Variants in NRG1 observed in about 807,000 individuals in gnomAD.
NRG1 encodes pro-neuregulin-1, membrane-bound isoform.
NRG1 carries 18 observed loss-of-function variants against 63.8 expected under a neutral mutation model. The ratio of observed to expected loss-of-function variants is 0.28; its 90% confidence interval spans 0.19 to 0.42. The LOEUF (loss-of-function observed/expected upper bound fraction) is 0.42. Among genes scored for constraint, NRG1 ranks in the 10% least tolerant of loss-of-function variants. The pLI is 1.00. For missense variants in NRG1, 762 were observed against 814.7 expected (o/e 0.94, Z 0.79); for synonymous variants, 302 against 301.3 (o/e 1.00, Z -0.02).
At chr8:32,716,877 C>A (rs552069631) in intron 5 of NRG1, among the ~76,000 whole-genome samples, 6 of 151,796 alleles carry the variant, frequency 4.0e-5, no homozygotes, top group Admixed American at 2.6e-4. Flanking sequence ...TAGCAGGATG[C>A]AGAACCCCAA....
intron 1 of NRG1, among the ~76,000 whole-genome samples, chr8:31,899,453 A>G: frequency 6.6e-6 from 1 of 152,048 alleles, no homozygotes; most frequent in Non-Finnish European, 1.5e-5. Context: ...TCCGTTGGCC[A>G]AGCTTGGTGT....
intron 1 of NRG1, among the ~76,000 whole-genome samples, chr8:31,768,308 C>T (rs1818277773): frequency 6.6e-6 from 1 of 152,200 alleles, no homozygotes; most frequent in African/African-American, 2.4e-5. Context: ...AGAACCATAT[C>T]TGCTGCTTAG....
intron 1 of NRG1, among the ~76,000 whole-genome samples, chr8:32,520,323 CTT>C (rs554244569): frequency 7.8e-5 from 11 of 140,168 alleles, no homozygotes; most frequent in Admixed American, 2.2e-4. Context: ...TGTCCAGCTA[CTT>C]TTTTTTTTTT....
chr8:31,785,499 T>C (rs1031038969), intron 1 of NRG1, among the ~76,000 whole-genome samples: 2 of 152,146 alleles, frequency 1.3e-5, no homozygotes, highest in South Asian at 4.1e-4. Flanking sequence ...TTCATGAGAA[T>C]TGATTGCTTT....
At chr8:32,547,804 T>G (rs1219327913), upstream of NRG1, among the ~76,000 whole-genome samples, 3 of 152,160 alleles carry the variant, frequency 2.0e-5, no homozygotes, top group Admixed American at 2.0e-4. Flanking sequence ...CCCCGAACTC[T>G]TCTGGGAAAG....
At chr8:31,807,306 G>C (rs1344754024) in intron 1 of NRG1, among the ~76,000 whole-genome samples, 10 of 152,168 alleles carry the variant, frequency 6.6e-5, no homozygotes, top group East Asian at 1.9e-4. Flanking sequence ...AATAATATGA[G>C]ACTTTTGTAT....
intron 1 of NRG1, among the ~76,000 whole-genome samples, chr8:31,888,416 C>T (rs1366223000): frequency 6.6e-6 from 1 of 152,048 alleles, no homozygotes; most frequent in Non-Finnish European, 1.5e-5. Context: ...GGAAATTTAA[C>T]ATTTTCAATT....
intron 1 of NRG1, among the ~76,000 whole-genome samples, chr8:32,032,711 C>G (rs1347187957): frequency 6.6e-6 from 1 of 152,092 alleles, no homozygotes; most frequent in Admixed American, 6.5e-5. Context: ...AAATTTTCTC[C>G]CACTGTGTAG....
intron 1 of NRG1, among the ~76,000 whole-genome samples, chr8:31,907,004 CA>C (rs1405063591): frequency 2.6e-5 from 4 of 152,060 alleles, no homozygotes; most frequent in Non-Finnish European, 5.9e-5. Context: ...AAATACAGAG[CA>C]AAAAGTTTAC....
intron 5 of NRG1, among the ~76,000 whole-genome samples, chr8:32,716,745 G>A (rs1819318974): frequency 6.6e-6 from 1 of 151,988 alleles, no homozygotes; most frequent in African/African-American, 2.4e-5. Context: ...ATATAACCAA[G>A]ATGATTTCCA....
intron 1 of NRG1, among the ~76,000 whole-genome samples, chr8:31,954,056 G>A (rs896772443): frequency 6.6e-6 from 1 of 151,860 alleles, no homozygotes; most frequent in African/African-American, 2.4e-5. Flanking sequence ...TTAACCCAGA[G>A]AGGAAGATCA....
At chr8:31,949,079 A>G (rs1010477261) in intron 1 of NRG1, among the ~76,000 whole-genome samples, 1 of 152,254 alleles carries the variant, frequency 6.6e-6, no homozygotes, top group African/African-American at 2.4e-5. Context: ...GGATCATTAT[A>G]TAGATCTAAA....
intron 1 of NRG1, among the ~76,000 whole-genome samples, chr8:31,965,225 TTA>T (rs1455148074): frequency 8.1e-5 from 6 of 74,174 alleles, no homozygotes; most frequent in Non-Finnish European, 1.7e-4. Flanking sequence ...CAGATGTCTT[TTA>T]TTTTTTTTTT....
At chr8:31,817,024 A>G (rs1313440423) in intron 1 of NRG1, among the ~76,000 whole-genome samples, 1 of 152,224 alleles carries the variant, frequency 6.6e-6, no homozygotes, top group East Asian at 1.9e-4. Flanking sequence ...CATTATAAAA[A>G]AAAATTCTCT....
intron 1 of NRG1, among the ~76,000 whole-genome samples, chr8:32,400,263 C>T (rs1427644478): frequency 6.6e-6 from 1 of 152,142 alleles, no homozygotes; most frequent in Non-Finnish European, 1.5e-5. Flanking sequence ...GTGGGTGAAT[C>T]ACTTGAGGTC....
At chr8:32,725,257 G>T (rs2129010505) in intron 5 of NRG1, among the ~76,000 whole-genome samples, 2 of 152,234 alleles carry the variant, frequency 1.3e-5, no homozygotes, top group South Asian at 2.1e-4. Context: ...TTAGCAACCT[G>T]TCAGAGATGC....
At chr8:32,142,998 G>A (rs1057304715) in intron 1 of NRG1, among the ~76,000 whole-genome samples, 1 of 152,178 alleles carries the variant, frequency 6.6e-6, no homozygotes, top group Non-Finnish European at 1.5e-5. Context: ...CCAAAGTCCT[G>A]TTACTTCTTT....
intron 5 of NRG1, among the ~76,000 whole-genome samples, chr8:32,684,119 T>C (rs941008805): frequency 1.3e-5 from 2 of 152,066 alleles, no homozygotes; most frequent in African/African-American, 4.8e-5. Context: ...TGAGCAGAGA[T>C]CATGACACTG....
chr8:32,701,263 A>G (rs1322055345), intron 5 of NRG1, among the ~76,000 whole-genome samples: 1 of 152,178 alleles, frequency 6.6e-6, no homozygotes, highest in Non-Finnish European at 1.5e-5. Context: ...GAAAATCTGC[A>G]ATTTTGGACT....
Sources: allele counts gnomAD v4.1 joint callset (sites outside exome capture counted in the v4.1 genomes callset), GRCh38; gene constraint gnomAD v4.1.1; transcripts MANE v1.5; gene names NCBI Gene and HGNC (gene_info 2026-07-23, HGNC 2026-07-21).